Variants in MAGI2 observed in about 807,000 individuals in gnomAD.
The protein encoded by MAGI2 is membrane-associated guanylate kinase, WW and PDZ domain-containing protein 2.
Under a neutral mutation model 133.3 loss-of-function variants are expected in MAGI2, and 35 were observed. The observed-to-expected ratio is 0.26, with a 90% CI of 0.20 to 0.35. The LOEUF is 0.35. Ranked by LOEUF, MAGI2 falls within the 10% of genes least tolerant of loss-of-function variation. The pLI is 1.00. For synonymous variants in MAGI2, 729 were observed against 710.6 expected (o/e 1.03, Z -0.41); for missense variants, 1,636 against 1,863.4 (o/e 0.88, Z 2.25).
intron 2 of MAGI2, among the ~76,000 whole-genome samples, chr7:78,694,787 T>C (rs1817328947): frequency 6.6e-6 from 1 of 152,234 alleles, no homozygotes. Context: ...TGGTAATATC[T>C]ACCTGTTATT....
intron 1 of MAGI2, among the ~76,000 whole-genome samples, chr7:79,300,198 G>A (rs1454098660): frequency 2.0e-5 from 3 of 152,200 alleles, no homozygotes; most frequent in African/African-American, 7.2e-5. Context: ...GGTTAGAAGA[G>A]TTTGGAGGGC....
chr7:79,322,591 G>C (rs1839271668), intron 1 of MAGI2, among the ~76,000 whole-genome samples: 1 of 151,910 alleles, frequency 6.6e-6, no homozygotes, highest in Non-Finnish European at 1.5e-5. Flanking sequence ...TTTGAGACCA[G>C]CCTGGTCAAC....
intron 1 of MAGI2, among the ~76,000 whole-genome samples, chr7:79,331,315 A>G (rs751657097): frequency 9.9e-5 from 15 of 152,102 alleles, no homozygotes; most frequent in Non-Finnish European, 2.2e-4. Context: ...TATATTATGC[A>G]TTTTTATGTA....
chr7:78,842,970 AG>A (rs1276256060), intron 2 of MAGI2, among the ~76,000 whole-genome samples: 4 of 151,958 alleles, frequency 2.6e-5, no homozygotes, highest in African/African-American at 9.7e-5. Flanking sequence ...GTCCAAAAAA[AG>A]CTTTAAATAT....
At chr7:79,120,052 G>A (rs1433763955) in intron 1 of MAGI2, among the ~76,000 whole-genome samples, 1 of 152,074 alleles carries the variant, frequency 6.6e-6, no homozygotes, top group Non-Finnish European at 1.5e-5. Flanking sequence ...CTAATTTTGA[G>A]TAGATCTTAC....
chr7:78,311,025 T>C (rs1271943638), intron 9 of MAGI2, among the ~76,000 whole-genome samples: 1 of 152,172 alleles, frequency 6.6e-6, no homozygotes, highest in African/African-American at 2.4e-5. Flanking sequence ...GTGACAGGGA[T>C]TGTTCTCAGT....
intron 1 of MAGI2, among the ~76,000 whole-genome samples, chr7:79,028,977 T>A (rs1349935299): frequency 2.6e-5 from 4 of 152,190 alleles, no homozygotes; most frequent in African/African-American, 9.6e-5. Flanking sequence ...AAAGTAAGTA[T>A]AAAAAACACA....
At chr7:78,828,579 C>A (rs1490597310) in intron 2 of MAGI2, among the ~76,000 whole-genome samples, 2 of 152,002 alleles carry the variant, frequency 1.3e-5, no homozygotes, top group Non-Finnish European at 2.9e-5. Context: ...TGGACAGGAT[C>A]CTGGAACAGA....
chr7:78,423,941 G>A lies in MAGI2; in HGVS notation c.1046-54728C>T, dbSNP rs141138925. 7.4e-3 allele frequency among the ~76,000 whole-genome samples: 1,130 copies of A among 152,268 alleles called. 6 individuals are homozygous for A. The highest frequency in any genetic ancestry group is 0.011 in the Non-Finnish European group (772 of 67,998). ...TTCAGAAAATTTGCAGCCTGACAAT[G>A]TAATAGAAAAGAAAAACCCATTTTC... On this transcript the variant is annotated intron_variant, in intron 6 of 21. Transcript: ENST00000354212.
chr7:79,148,888 T>TTA (rs1006208394), intron 1 of MAGI2, among the ~76,000 whole-genome samples: 7 of 147,122 alleles, frequency 4.8e-5, no homozygotes, highest in African/African-American at 1.7e-4. Flanking sequence ...TATATATGTT[T>TTA]TATATATATA....
chr7:79,414,664 C>G (rs1219534531), intron 1 of MAGI2: 1 of 152,062 alleles, frequency 6.6e-6, no homozygotes, highest in African/African-American at 2.4e-5. Flanking sequence ...TCTCCTCAGT[C>G]CCATAAGTGA....
chr7:78,179,939 G>T (rs561720549), intron 13 of MAGI2, among the ~76,000 whole-genome samples: 300 of 152,288 alleles, frequency 2.0e-3, no homozygotes, highest in African/African-American at 7.0e-3. Context: ...GAGGCAGATG[G>T]AGTAGAGCTC....
chr7:78,550,543 A>G (rs1395773102), intron 3 of MAGI2, among the ~76,000 whole-genome samples: 3 of 152,204 alleles, frequency 2.0e-5, no homozygotes, highest in East Asian at 3.9e-4. Flanking sequence ...AGCCAGACAG[A>G]TAGAAGACTG....
intron 2 of MAGI2, among the ~76,000 whole-genome samples, chr7:78,655,785 T>A (rs1270213708): frequency 6.6e-6 from 1 of 151,520 alleles, no homozygotes; most frequent in African/African-American, 2.4e-5. Context: ...ATCGAGACCA[T>A]CCTGGCTAAC....
At chr7:78,961,105 G>A (rs1315191632) in intron 2 of MAGI2, among the ~76,000 whole-genome samples, 2 of 152,112 alleles carry the variant, frequency 1.3e-5, no homozygotes, top group Non-Finnish European at 2.9e-5. Context: ...ATTCAAAAGA[G>A]AGTACTTTAA....
intron 2 of MAGI2, among the ~76,000 whole-genome samples, chr7:78,972,499 T>A (rs536440906): frequency 6.6e-6 from 1 of 152,008 alleles, no homozygotes; most frequent in Non-Finnish European, 1.5e-5. Flanking sequence ...ATCAACAACA[T>A]AAATTACCAC....
intron 14 of MAGI2, among the ~76,000 whole-genome samples, chr7:78,176,385 A>C (rs909809181): frequency 6.6e-6 from 1 of 152,118 alleles, no homozygotes; most frequent in Admixed American, 6.5e-5. Flanking sequence ...ATTCGGAAAT[A>C]AGTCTTTTTT....
intron 1 of MAGI2, chr7:79,353,668 G>T: frequency 2.9e-6 from 1 of 341,242 alleles, no homozygotes; most frequent in South Asian, 2.3e-5. Flanking sequence ...CATCACACTG[G>T]GCATTGGACT....
intron 16 of MAGI2, among the ~76,000 whole-genome samples, chr7:78,135,667 C>T (rs973299297): frequency 1.3e-5 from 2 of 152,098 alleles, no homozygotes; most frequent in Admixed American, 6.5e-5. Context: ...AAGAAAGCTA[C>T]AATAAATGCC....
Sources: gnomAD v4.1 joint callset for allele counts (sites outside exome capture counted in the v4.1 genomes callset) on GRCh38, gnomAD v4.1.1 for gene constraint, MANE v1.5 for transcripts, NCBI Gene and HGNC (gene_info 2026-07-23, HGNC 2026-07-21) for gene names.